The following DCUN1D1 variants were observed in gnomAD, a reference collection of about 807,000 sequenced individuals.
DCUN1D1 encodes DCN1-like protein 1.
DCUN1D1 carries 3 observed loss-of-function variants against 39.0 expected under a neutral mutation model. The observed-to-expected ratio is 0.08, with a 90% CI of 0.04 to 0.20. DCUN1D1 has a LOEUF of 0.20. Among genes scored for constraint, DCUN1D1 ranks in the 10% least tolerant of loss-of-function variants. The probability of loss-of-function intolerance (pLI) is 1.00; values close to 1 mark genes in which losing one functional copy is unlikely to be tolerated. For missense variants in DCUN1D1, 158 were observed against 302.4 expected, an observed-to-expected ratio of 0.52 and a Z score of 3.54; for synonymous variants, 82 against 96.3, an observed-to-expected ratio of 0.85 and a Z score of 0.87.
chr3:182,974,205 T>C (rs918860755), intron 1 of DCUN1D1, among the ~76,000 whole-genome samples: 3 of 152,096 alleles, frequency 2.0e-5, no homozygotes, highest in Admixed American at 6.5e-5. Context: ...TGAGCCGAGA[T>C]TGCACCACTG....
chr3:182,981,896 C>G (rs570848643), upstream of DCUN1D1, among the ~76,000 whole-genome samples: 71 of 152,236 alleles, frequency 4.7e-4, 1 homozygote, highest in Non-Finnish European at 9.1e-4. Context: ...ATGTGCCAAG[C>G]TCCTTGCTGG....
chr3:182,978,490 C>T (rs1373387204), intron 1 of DCUN1D1, among the ~76,000 whole-genome samples: 3 of 152,146 alleles, frequency 2.0e-5, no homozygotes, highest in Non-Finnish European at 4.4e-5. Flanking sequence ...ATCCTCCCAC[C>T]TCATCCTCTG....
chr3:182,978,063 C>A (rs1035956060), intron 1 of DCUN1D1, among the ~76,000 whole-genome samples: 2 of 149,842 alleles, frequency 1.3e-5, no homozygotes, highest in African/African-American at 4.9e-5. Context: ...ACAACAACAA[C>A]AAAAAACAAG....
intron 4 of DCUN1D1, among the ~76,000 whole-genome samples, chr3:182,959,465 C>G (rs1177568223): frequency 8.1e-6 from 1 of 123,038 alleles, no homozygotes; most frequent in African/African-American, 3.0e-5. Context: ...CAGAAGGCCC[C>G]TTATTAGCCT....
chr3:182,980,592 T>G, upstream of DCUN1D1: 1 of 1,118,676 alleles, frequency 8.9e-7, no homozygotes, highest in Non-Finnish European at 1.1e-6. Flanking sequence ...CTCCCGCTCA[T>G]GCGCAGTGCG....
chr3:182,946,948 A>AC (rs1726441265), intron 6 of DCUN1D1, among the ~76,000 whole-genome samples: 1 of 152,156 alleles, frequency 6.6e-6, no homozygotes, highest in Non-Finnish European at 1.5e-5. Flanking sequence ...TAAAACATTA[A>AC]GAAATTAGTC....
At chr3:182,956,776 C>T (rs1478281584) in intron 4 of DCUN1D1, among the ~76,000 whole-genome samples, 3 of 152,046 alleles carry the variant, frequency 2.0e-5, no homozygotes, top group African/African-American at 7.3e-5. Flanking sequence ...TCAGTATGGC[C>T]CTAAAAATGA....
Position 182,943,548 on chromosome 3 carries a change from C to T in DCUN1D1, c.*1546G>A, listed in dbSNP as rs1726244431. On this transcript the variant is annotated 3_prime_UTR_variant, in exon 7 of 7. Coordinates refer to ENST00000292782, the MANE Select transcript of DCUN1D1 (RefSeq NM_020640.4). The stretch of plus-strand genomic sequence containing the variant: ...TTTCTTAAAATAATTTCCATATTTG[C>T]ATAAAATGTACTGCTATTCTAAGTA... 1.3e-5 allele frequency: 2 copies of T among 152,262 alleles called. No individual in the cohort carries two copies. The highest frequency in any genetic ancestry group is 1.3e-4 in the Admixed American group (2 of 15,268). The allele number at this position is 152,262 out of a possible 1,614,324, so 9.4% of individuals were successfully genotyped here. A position where few individuals can be genotyped will look rare whatever the true frequency, so the allele number is the denominator to read the frequency against.
In DCUN1D1 at chr3:182,938,811, G is replaced by A. The variant is rs1347513929; in HGVS notation, c.*6283C>T. 1 of 151,856 alleles carries A rather than the reference G, an allele frequency of 6.6e-6. No homozygotes were observed. The highest frequency in any genetic ancestry group is 1.5e-5 in the Non-Finnish European group (1 of 67,948). The allele number at this position is 151,856 out of a possible 1,614,324, so 9.4% of individuals were successfully genotyped here. On this transcript the variant is annotated 3_prime_UTR_variant, in exon 7 of 7. Coordinates refer to ENST00000292782, the MANE Select transcript of DCUN1D1 (RefSeq NM_020640.4). ...AAATCTCTGGGAAACTTAATATTAA[G>A]ACAGTAACTATCTGCACACAGTAAT...
intron 1 of DCUN1D1, among the ~76,000 whole-genome samples, chr3:182,970,454 T>C (rs890610781): frequency 1.3e-5 from 2 of 152,170 alleles, no homozygotes; most frequent in East Asian, 1.9e-4. Context: ...TAATAAGTGA[T>C]TTTTTAACAG....
At chr3:182,952,401 C>T (rs1726798810) in intron 4 of DCUN1D1, among the ~76,000 whole-genome samples, 1 of 151,832 alleles carries the variant, frequency 6.6e-6, no homozygotes, top group African/African-American at 2.4e-5. Flanking sequence ...TCATGTTATA[C>T]ATTCAACCGC....
intron 4 of DCUN1D1, chr3:182,951,006 CAAAAAAAAAAAAA>C (rs56919089): frequency 2.1e-5 from 1 of 46,756 alleles, no homozygotes; most frequent in Non-Finnish European, 3.6e-5. Flanking sequence ...AACTCTGTCT[CAAAAAAAAAAAAA>C]AAAAAAAAAA....
intron 4 of DCUN1D1, 100 bp from the exon 5 acceptor site, chr3:182,947,732 T>C (rs1726490791): frequency 1.4e-6 from 1 of 697,230 alleles, no homozygotes; most frequent in Non-Finnish European, 2.4e-6. Flanking sequence ...AAAGAAAGTC[T>C]AAAAATAAAA....
chr3:182,962,891 C>T (rs572244117), intron 3 of DCUN1D1, among the ~76,000 whole-genome samples: 27 of 152,306 alleles, frequency 1.8e-4, no homozygotes, highest in African/African-American at 5.8e-4. Flanking sequence ...AGCGATTCTC[C>T]TGCCTCAGCC....
intron 1 of DCUN1D1, among the ~76,000 whole-genome samples, chr3:182,973,324 C>A (rs1246062184): frequency 6.6e-6 from 1 of 152,134 alleles, no homozygotes; most frequent in African/African-American, 2.4e-5. Flanking sequence ...CAATTTAAAA[C>A]TTATGAACTG....
At position 182,980,511 on chromosome 3, in the gene DCUN1D1, C is replaced by T; in HGVS notation, c.-22G>A. 8.1e-7 allele frequency: 1 copy of T among 1,240,914 alleles called. No individual in the cohort carries two copies. Among genetic ancestry groups the T allele is most frequent in the Non-Finnish European group, 1.0e-6 (1 of 972,630 alleles). The allele number at this position is 1,240,914 out of a possible 1,614,324, so 76.9% of individuals were successfully genotyped here. ...CCATGTTGGTGTCCTCCAGGCCTCT[C>T]CCCTCCTCCTCCGGCTCCGCAGCGA... On this transcript the variant is annotated 5_prime_UTR_variant, in exon 1 of 7. Transcript: ENST00000292782.
At chr3:182,950,921 G>C (rs1020713716) in intron 4 of DCUN1D1, 1 of 138,646 alleles carries the variant, frequency 7.2e-6, no homozygotes, top group Non-Finnish European at 1.5e-5. Context: ...CAGGAGAATC[G>C]CTTGAATCCG....
intron 4 of DCUN1D1, among the ~76,000 whole-genome samples, chr3:182,951,716 GACGGAGTTTC>G (rs1411901493): frequency 1.6e-5 from 2 of 123,500 alleles, no homozygotes; most frequent in Non-Finnish European, 3.3e-5. Context: ...TTTTTTTTGA[GACGGAGTTTC>G]ACTCTTGTTG....
intron 4 of DCUN1D1, among the ~76,000 whole-genome samples, chr3:182,958,291 T>C (rs190804995): frequency 1.6e-3 from 247 of 152,268 alleles, no homozygotes; most frequent in Non-Finnish European, 2.2e-3. Flanking sequence ...TAATAGACTT[T>C]TTTAGTTTTA....
Sources: gnomAD v4.1 joint callset for allele counts (sites outside exome capture counted in the v4.1 genomes callset) on GRCh38, gnomAD v4.1.1 for gene constraint, MANE v1.5 for transcripts, NCBI Gene and HGNC (gene_info 2026-07-23, HGNC 2026-07-21) for gene names.